INO80C: variants seen among roughly 807,000 people sequenced by gnomAD.
INO80C encodes IES6 homolog.
Under a neutral mutation model 17.7 loss-of-function variants are expected in INO80C, and 17 were observed. The observed-to-expected ratio is 0.96, with a 90% CI of 0.66 to 1.44. The LOEUF (loss-of-function observed/expected upper bound fraction) is 1.44. INO80C is among the 40% of genes most tolerant of loss of function. The probability of loss-of-function intolerance (pLI) is 0.00; values close to 1 mark genes in which losing one functional copy is unlikely to be tolerated. For missense variants in INO80C, 244 were observed against 245.0 expected, an observed-to-expected ratio of 1.00 and a Z score of 0.03; for synonymous variants, 96 against 95.8, an observed-to-expected ratio of 1.00 and a Z score of -0.01.
At chr18:35,497,219 G>T in intron 1 of INO80C, 1 of 463,510 alleles carries the variant, frequency 2.2e-6, no homozygotes, top group Non-Finnish European at 2.8e-6. Context: ...AAGCCCATGA[G>T]TTAAGACCAA....
intron 4 of INO80C, among the ~76,000 whole-genome samples, chr18:35,472,373 A>C (rs1259960516): frequency 6.6e-6 from 1 of 151,968 alleles, no homozygotes; most frequent in Non-Finnish European, 1.5e-5. Context: ...GCATTTTTTC[A>C]TGTGTTTTTT....
chr18:35,475,229 G>C (rs1227295923), intron 4 of INO80C, among the ~76,000 whole-genome samples: 2 of 152,106 alleles, frequency 1.3e-5, no homozygotes, highest in East Asian at 3.8e-4. Context: ...ACAAAGGTAA[G>C]AATTATATCA....
At chr18:35,497,394 C>T in intron 1 of INO80C, 1 of 1,097,374 alleles carries the variant, frequency 9.1e-7, no homozygotes, top group Non-Finnish European at 1.1e-6. Flanking sequence ...GGGGAAGACA[C>T]GCAAATTTCT....
chr18:35,483,348 A>G (rs992803732), intron 1 of INO80C: 1 of 152,158 alleles, frequency 6.6e-6, no homozygotes, highest in Non-Finnish European at 1.5e-5. Flanking sequence ...GCCAGCTGTC[A>G]ATGTTATTTT....
rs2045626926 is a variant in INO80C at position 35,468,368 on chromosome 18, C to A, written c.*243G>T. On this transcript the variant is annotated 3_prime_UTR_variant, in exon 5 of 5. Transcript: ENST00000334598. ...GTATGGTTTTATTGTATCTTCTTGT[C>A]AAACACCTTTACTTGAGGCAACAAC... The A allele has an allele frequency of 2.2e-6, 3 of 1,343,182 alleles. No individual in the cohort carries two copies. Among genetic ancestry groups the A allele is most frequent in the Non-Finnish European group, 2.9e-6 (3 of 1,045,450 alleles). The allele number at this position is 1,343,182 out of a possible 1,614,324, so 83.2% of individuals were successfully genotyped here.
chr18:35,479,114 AG>A (rs1382645477), intron 3 of INO80C, 185 bp downstream of exon 3: 7 of 495,180 alleles, frequency 1.4e-5, no homozygotes, highest in Non-Finnish European at 2.5e-5. Context: ...ACAAACAAAT[AG>A]GCTCAATACA....
intron 4 of INO80C, among the ~76,000 whole-genome samples, chr18:35,475,751 C>T (rs1257508147): frequency 6.6e-6 from 1 of 151,778 alleles, no homozygotes; most frequent in African/African-American, 2.4e-5. Flanking sequence ...AGCAAATCTA[C>T]TTTATAAGAA....
chr18:35,491,138 A>G (rs534906831), intron 1 of INO80C, among the ~76,000 whole-genome samples: 27 of 152,312 alleles, frequency 1.8e-4, no homozygotes, highest in South Asian at 8.3e-4. Context: ...TGTGTGCCCA[A>G]TGAAAGGAAA....
intron 4 of INO80C, among the ~76,000 whole-genome samples, chr18:35,477,827 C>T (rs2045755431): frequency 6.6e-6 from 1 of 152,140 alleles, no homozygotes; most frequent in Non-Finnish European, 1.5e-5. Context: ...GGGCTCCAGG[C>T]TGTTATATAT....
At position 35,489,350 on chromosome 18, in the gene INO80C, A is replaced by C. The variant is rs1012750084; in HGVS notation, c.156+8369T>G. ...GACTCACAGTTCCACGTGGCTGGGG[A>C]GGCCTCACAATCATGGTGGAAGGCG... On this transcript the variant is annotated intron_variant, in intron 1 of 4. Transcript: ENST00000334598. The C allele has an allele frequency of 1.1e-4, 30 of 277,762 alleles. No individual in the cohort carries two copies. In the Admixed American group the frequency reaches 1.3e-3, roughly 12 times the overall value. The allele number at this position is 277,762 out of a possible 1,614,324, so 17.2% of individuals were successfully genotyped here.
rs868609282 is a variant in INO80C, at chr18:35,497,951, C to G, written c.-77G>C. ...TGGAACTTCCTTTCCGCTGTTACTT[C>G]CGTCTTGATGCTTGAAAACCCGGCC... On this transcript the variant is annotated 5_prime_UTR_variant, in exon 1 of 5. Coordinates refer to ENST00000334598, the MANE Select transcript of INO80C (RefSeq NM_194281.4). The G allele has an allele frequency of 1.4e-6, 2 of 1,413,390 alleles. No homozygotes were observed. The highest frequency in any genetic ancestry group is 1.9e-6 in the Non-Finnish European group (2 of 1,068,702). The allele number at this position is 1,413,390 out of a possible 1,614,324, so 87.6% of individuals were successfully genotyped here. A position where few individuals can be genotyped will look rare whatever the true frequency, so the allele number is the denominator to read the frequency against.
intron 1 of INO80C, among the ~76,000 whole-genome samples, chr18:35,496,262 C>T (rs1459011492): frequency 6.6e-6 from 1 of 150,848 alleles, no homozygotes; most frequent in Non-Finnish European, 1.5e-5. Context: ...AAATATTCAT[C>T]GGGTGTATGT....
intron 4 of INO80C, among the ~76,000 whole-genome samples, chr18:35,469,774 T>C (rs913231820): frequency 2.0e-5 from 3 of 152,188 alleles, no homozygotes; most frequent in Non-Finnish European, 4.4e-5. Flanking sequence ...TTGCTTATCA[T>C]TGTAGACTGG....
intron 1 of INO80C, among the ~76,000 whole-genome samples, chr18:35,494,557 G>A (rs970503884): frequency 2.6e-5 from 4 of 152,214 alleles, no homozygotes; most frequent in Middle Eastern, 3.2e-3. Context: ...CAAGGAACAC[G>A]GGCAGCAGCT....
chr18:35,477,016 G>A (rs1345093502), intron 4 of INO80C, among the ~76,000 whole-genome samples: 1 of 152,252 alleles, frequency 6.6e-6, no homozygotes, highest in Non-Finnish European at 1.5e-5. Context: ...GGCCAAGGCA[G>A]GAGGATCACT....
chr18:35,492,508 G>T (rs2045942304), intron 1 of INO80C, among the ~76,000 whole-genome samples: 1 of 151,592 alleles, frequency 6.6e-6, no homozygotes, highest in Non-Finnish European at 1.5e-5. Context: ...TGTTGGGGAA[G>T]GAGATTGGGT....
intron 1 of INO80C, among the ~76,000 whole-genome samples, chr18:35,486,370 G>A (rs1026305062): frequency 1.5e-4 from 23 of 152,202 alleles, no homozygotes; most frequent in Admixed American, 1.5e-3. Flanking sequence ...GGAATGGAAA[G>A]TGACTGCTTA....
intron 1 of INO80C, among the ~76,000 whole-genome samples, chr18:35,494,531 G>A (rs2045960915): frequency 2.0e-5 from 3 of 152,224 alleles, no homozygotes; most frequent in Admixed American, 2.0e-4. Context: ...CTCTGAAAAT[G>A]GAAAACGCCA....
chr18:35,472,152 G>C (rs1466790913), intron 4 of INO80C, among the ~76,000 whole-genome samples: 1 of 152,192 alleles, frequency 6.6e-6, no homozygotes, highest in Non-Finnish European at 1.5e-5. Context: ...GGTATTTCTA[G>C]TTCTAGATTC....
Sources: allele counts gnomAD v4.1 joint callset (sites outside exome capture counted in the v4.1 genomes callset), GRCh38; gene constraint gnomAD v4.1.1; transcripts MANE v1.5; gene names NCBI Gene and HGNC (gene_info 2026-07-23, HGNC 2026-07-21).